Variants in VPS35L observed in about 807,000 individuals in gnomAD.
VPS35L encodes the protein VPS35 endosomal protein sorting factor like.
A neutral mutation model predicts 133.0 loss-of-function variants in VPS35L; 83 were observed. That is an observed-to-expected ratio of 0.62 (90% CI 0.52 to 0.75). The LOEUF (loss-of-function observed/expected upper bound fraction) is 0.75. Among genes scored for constraint, VPS35L ranks in the 30% least tolerant of loss-of-function variants. The pLI, the probability that VPS35L is intolerant of heterozygous loss-of-function variation, is 0.00. For missense variants in VPS35L, 1,083 were observed against 1,206.8 expected, an observed-to-expected ratio of 0.90 and a Z score of 1.52; for synonymous variants, 423 against 449.9, an observed-to-expected ratio of 0.94 and a Z score of 0.76.
At position 19,699,258 on chromosome 16, in the gene VPS35L, G is replaced by A. The variant is rs1597451387; in HGVS notation, c.2647-244G>A. ...TCCATTTCATGAGTAATGACCATCT[G>A]TGGGCACAGAGCTTCGTCATCTTAC... On this transcript the variant is annotated intron_variant, in intron 29 of 30. Transcript: ENST00000417362. The surrounding 1 kb of genome is among the most constrained non-coding windows in gnomAD (Gnocchi z 4.2). 1 of 448,192 alleles carries A rather than the reference G, an allele frequency of 2.2e-6. No homozygotes were observed. Among genetic ancestry groups the A allele is most frequent in the East Asian group, 4.1e-5 (1 of 24,382 alleles). 27.8% of individuals were successfully genotyped at this position (448,192 alleles called of 1,614,324 possible). A position where few individuals can be genotyped will look rare whatever the true frequency, so the allele number is the denominator to read the frequency against.
intron 27 of VPS35L, among the ~76,000 whole-genome samples, chr16:19,670,469 T>G (rs963959995): frequency 6.6e-6 from 1 of 152,240 alleles, no homozygotes; most frequent in Non-Finnish European, 1.5e-5. Context: ...GGATAAGAAC[T>G]GTCACTTCTG....
In VPS35L at chr16:19,639,970, A is replaced by G; in HGVS notation, c.1699-45A>G. The stretch of plus-strand genomic sequence containing the variant: ...AGAGACCCACAGATTCCTTCCTTCC[A>G]ATAACTTGTGTCATTTGCATATAGA... On this transcript the variant is annotated intron_variant, in intron 20 of 30. Transcript: ENST00000417362. The surrounding 1 kb of genome is among the most constrained non-coding windows in gnomAD (Gnocchi z 4.1). The G allele has an allele frequency of 6.6e-7, 1 of 1,519,506 alleles. No individual in the cohort carries two copies. The highest frequency in any genetic ancestry group is 9.1e-7 in the Non-Finnish European group (1 of 1,097,148). 94.1% of individuals were successfully genotyped at this position (1,519,506 alleles called of 1,614,324 possible). A position where few individuals can be genotyped will look rare whatever the true frequency, so the allele number is the denominator to read the frequency against.
chr16:19,618,518 C>T (rs756184667), intron 14 of VPS35L, among the ~76,000 whole-genome samples: 1 of 152,106 alleles, frequency 6.6e-6, no homozygotes, highest in Non-Finnish European at 1.5e-5. Flanking sequence ...TGGTATATGG[C>T]TAAGTGCAAA....
chr16:19,618,381 G>A (rs1567428171), intron 14 of VPS35L, among the ~76,000 whole-genome samples: 1 of 152,198 alleles, frequency 6.6e-6, no homozygotes, highest in Admixed American at 6.6e-5. Flanking sequence ...GTTCACGGTA[G>A]TGCAAAATTG....
rs1423109831 is a variant in VPS35L, at chr16:19,610,193, G to A, written c.930-129G>A. 7 of 708,664 alleles carry A rather than the reference G, an allele frequency of 9.9e-6. No individual in the cohort carries two copies. In the African/African-American group the frequency reaches 1.1e-4, roughly 11 times the overall value. The allele number at this position is 708,664 out of a possible 1,614,324, so 43.9% of individuals were successfully genotyped here. On this transcript the variant is annotated intron_variant, in intron 11 of 30. Transcript: ENST00000417362. ...TTAGAAAACTGAAACTTTGACCTTG[G>A]TTTGTTACTGAAACTTGATTTTTCC...
intron 1 of VPS35L, among the ~76,000 whole-genome samples, chr16:19,560,776 A>G (rs1413593480): frequency 6.6e-6 from 1 of 152,004 alleles, no homozygotes; most frequent in Non-Finnish European, 1.5e-5. Context: ...ATCCTGGGGT[A>G]CAAAGCAATA....
chr16:19,563,325 A>G (rs1406414713), intron 1 of VPS35L, among the ~76,000 whole-genome samples: 1 of 151,942 alleles, frequency 6.6e-6, no homozygotes, highest in African/African-American at 2.4e-5. Flanking sequence ...TAAAAAAAAA[A>G]AAAAGAAAAG....
chr16:19,652,207 C>G, intron 26 of VPS35L, 117 bp downstream of exon 26: 6 of 751,108 alleles, frequency 8.0e-6, no homozygotes, highest in Non-Finnish European at 1.1e-5. Flanking sequence ...GACAGAGTCT[C>G]ACTCTGTCAC....
At chr16:19,630,895 G>C (rs1384449257) in intron 18 of VPS35L, among the ~76,000 whole-genome samples, 1 of 152,098 alleles carries the variant, frequency 6.6e-6, no homozygotes, top group Non-Finnish European at 1.5e-5. Flanking sequence ...TGTAGTCCTA[G>C]CTACCCAGGA....
At chr16:19,681,255 G>T (rs1023565944) in intron 27 of VPS35L, among the ~76,000 whole-genome samples, 12 of 152,218 alleles carry the variant, frequency 7.9e-5, no homozygotes, top group African/African-American at 2.9e-4. Context: ...TGCAGGGCAG[G>T]AGGAAAGCGA....
chr16:19,641,834 T>A (rs551794826), intron 21 of VPS35L, among the ~76,000 whole-genome samples: 27 of 152,272 alleles, frequency 1.8e-4, no homozygotes, highest in African/African-American at 5.8e-4. Context: ...TTAGCCCACC[T>A]GGTTTAGGAA....
intron 26 of VPS35L, among the ~76,000 whole-genome samples, chr16:19,667,755 GA>G (rs1244499571): frequency 6.1e-5 from 9 of 147,102 alleles, no homozygotes; most frequent in African/African-American, 2.0e-4. Context: ...AAAAAAACCA[GA>G]AAAAAAAATA....
Position 19,563,572 on chromosome 16 carries a change from G to A in VPS35L, c.18-1279G>A, listed in dbSNP as rs73529887. Among the ~76,000 whole-genome samples the A allele has an allele frequency of 1.5e-3, 232 of 152,144 alleles. 1 individual carries two copies. The highest frequency in any genetic ancestry group is 5.3e-3 in the African/African-American group (222 of 41,516). The stretch of plus-strand genomic sequence containing the variant: ...TATGTGTGTTAGGCCTTCTCTTCAC[G>A]TTGCTTGTGTCTTTGAAATTCTGCC... On this transcript the variant is annotated intron_variant, in intron 1 of 30. Coordinates refer to ENST00000417362, the MANE Select transcript of VPS35L (RefSeq NM_020314.7).
chr16:19,574,968 T>G, intron 4 of VPS35L, 130 bp from the exon 5 acceptor site: 1 of 764,608 alleles, frequency 1.3e-6, no homozygotes. Context: ...CTCCAGTGGT[T>G]TTTAGTGACT....
At chr16:19,592,242 GT>G (rs1164969618) in intron 8 of VPS35L, among the ~76,000 whole-genome samples, 5,732 of 134,032 alleles carry the variant, frequency 0.043, 132 homozygotes, top group African/African-American at 0.071. Context: ...GCCCAGCTAA[GT>G]TTTTTTTTTT....
At position 19,691,478 on chromosome 16, in the gene VPS35L, G is replaced by A; in HGVS notation, c.2646+7G>A. 1 of 1,604,496 alleles carries A rather than the reference G, an allele frequency of 6.2e-7. No individual in the cohort carries two copies. Among genetic ancestry groups the A allele is most frequent in the Non-Finnish European group, 8.5e-7 (1 of 1,171,420 alleles). On this transcript the variant is annotated splice_region_variant and intron_variant, in intron 29 of 30. Transcript: ENST00000417362. ...AACCCTGGCCAAGGACGAGGTGGGT[G>A]CCCTCTGCTGTCCTCCACCCGCCCC...
At chr16:19,575,209 ATG>A in intron 5 of VPS35L, 87 bp downstream of exon 5, 1 of 1,207,534 alleles carries the variant, frequency 8.3e-7, no homozygotes, top group Non-Finnish European at 1.2e-6. Flanking sequence ...TTTATGTGAT[ATG>A]ATTCTGATGT....
intron 2 of VPS35L, among the ~76,000 whole-genome samples, chr16:19,566,614 C>T (rs66732788): frequency 0.12 from 18,886 of 152,146 alleles, 1,308 homozygotes; most frequent in Middle Eastern, 0.18. Context: ...GGCTCCAGCA[C>T]AGTCACGTGG....
At chr16:19,617,933 C>G (rs529541038) in intron 14 of VPS35L, 2 of 152,246 alleles carry the variant, frequency 1.3e-5, no homozygotes, top group South Asian at 4.1e-4. Context: ...ACAAAAAATA[C>G]AAAAATTAAC....
Sources: allele counts gnomAD v4.1 joint callset (sites outside exome capture counted in the v4.1 genomes callset), GRCh38; gene constraint gnomAD v4.1.1; non-coding constraint Gnocchi (gnomAD v3.1); transcripts MANE v1.5; gene names NCBI Gene and HGNC (gene_info 2026-07-23, HGNC 2026-07-21).